CDCP2: variants seen among roughly 807,000 people sequenced by gnomAD.
The protein encoded by CDCP2 is CUB domain containing protein 2.
Under a neutral mutation model 31.0 loss-of-function variants are expected in CDCP2, and 31 were observed. That is an observed-to-expected ratio of 1.00 (90% CI 0.75 to 1.35). CDCP2 has a LOEUF of 1.35. CDCP2 is among the 40% of genes most tolerant of loss of function. The pLI is 0.00. For missense variants in CDCP2, 443 were observed against 482.6 expected (o/e 0.92, Z 0.77); for synonymous variants, 206 against 207.9 (o/e 0.99, Z 0.08).
chr1:54,141,208 C>T (rs753849541), exon 3 of CDCP2: 19 of 1,611,078 alleles, frequency 1.2e-5, no homozygotes, highest in Non-Finnish European at 1.2e-5. Context: ...GGTGCTGCCA[C>T]AGTAGTGGTG....
chr1:54,135,018 C>T (rs757875682), intron 5 of CDCP2, among the ~76,000 whole-genome samples: 12 of 152,124 alleles, frequency 7.9e-5, no homozygotes, highest in Admixed American at 7.2e-4. Context: ...TCCAAAAGGC[C>T]ATGTCCCCAG....
Position 54,139,785 on chromosome 1 carries a change from G to A in CDCP2, c.1085C>T (p.Thr362Ile), listed in dbSNP as rs1659328171. ...GTAGGCCACAGAGAAGCCCCTGCGG[G>A]TGGTGCTGCGGTCTGTGTGCAGCAG... The change falls in exon 4 of 6, where the codon ACC becomes ATC. Residue 362 changes from threonine (T) to isoleucine (I), a missense_variant. Physicochemically the swap from Thr to Ile is moderately conservative, Grantham distance 89. Transcript: ENST00000530059. 1.9e-6 allele frequency: 3 copies of A among 1,614,112 alleles called. No individual in the cohort carries two copies. The highest frequency in any genetic ancestry group is 2.5e-6 in the Non-Finnish European group (3 of 1,180,044).
At chr1:54,145,701 A>C (rs1444695169) in intron 1 of CDCP2, among the ~76,000 whole-genome samples, 3 of 152,240 alleles carry the variant, frequency 2.0e-5, no homozygotes, top group African/African-American at 7.2e-5. Flanking sequence ...TGTGTTTGAC[A>C]AAAGAAAACA....
intron 1 of CDCP2, among the ~76,000 whole-genome samples, chr1:54,147,592 C>G (rs1659497804): frequency 6.6e-6 from 1 of 151,830 alleles, no homozygotes; most frequent in Non-Finnish European, 1.5e-5. Context: ...GTCTCGAACT[C>G]CTGACCTCAG....
chr1:54,138,629 C>T (rs1275382800), intron 4 of CDCP2: 4 of 152,272 alleles, frequency 2.6e-5, no homozygotes, highest in African/African-American at 7.2e-5. Context: ...CTTCATCAAC[C>T]TCTTTTACAG....
chr1:54,136,323 T>C (rs1002463396), intron 5 of CDCP2, among the ~76,000 whole-genome samples: 1 of 152,164 alleles, frequency 6.6e-6, no homozygotes, highest in East Asian at 1.9e-4. Flanking sequence ...GAGTGACCGG[T>C]AGCGTCTTTA....
At chr1:54,152,989 A>G, upstream of CDCP2, 1 of 1,447,384 alleles carries the variant, frequency 6.9e-7, no homozygotes, top group Middle Eastern at 1.7e-4. Context: ...GTCCGGAGCA[A>G]GGGAAAGAGA....
chr1:54,143,237 G>A (rs1768473), intron 2 of CDCP2, among the ~76,000 whole-genome samples: 124,163 of 152,076 alleles, frequency 0.82, 50,803 homozygotes, highest in Middle Eastern at 0.88. Flanking sequence ...CTACTTGGGA[G>A]GCTGAGGCAG....
chr1:54,144,554 G>A (rs1283899808), exon 2 of CDCP2: 40 of 1,613,558 alleles, frequency 2.5e-5, no homozygotes, highest in Non-Finnish European at 3.4e-5. Flanking sequence ...AGGAGGTGAA[G>A]GGCGGCGGGG....
At chr1:54,139,580 T>G (rs533636992) in intron 4 of CDCP2, 173 bp downstream of exon 4, 1 of 1,613,112 alleles carries the variant, frequency 6.2e-7, no homozygotes, top group East Asian at 2.2e-5. Flanking sequence ...TACCGTCCAG[T>G]CTTAGGGGTC....
chr1:54,150,363 G>A (rs1174089703), intron 1 of CDCP2, among the ~76,000 whole-genome samples: 1 of 152,204 alleles, frequency 6.6e-6, no homozygotes, highest in East Asian at 1.9e-4. Flanking sequence ...GGGAGGCCAA[G>A]GTGGGTGGAT....
chr1:54,142,333 G>A (rs2100425556), intron 2 of CDCP2: 1 of 152,384 alleles, frequency 6.6e-6, no homozygotes, highest in African/African-American at 2.4e-5. Flanking sequence ...CTGAAGACAA[G>A]TAGTCTCCCA....
chr1:54,141,621 T>C (rs148606477), intron 2 of CDCP2, 188 bp from the exon 3 acceptor site: 6,497 of 560,248 alleles, frequency 0.012, 44 homozygotes, highest in Non-Finnish European at 0.017. Flanking sequence ...TTGGCACCTA[T>C]GCTGCCTGTT....
At chr1:54,151,760 G>C (rs544637355) in intron 1 of CDCP2, among the ~76,000 whole-genome samples, 1 of 152,146 alleles carries the variant, frequency 6.6e-6, no homozygotes, top group Non-Finnish European at 1.5e-5. Flanking sequence ...ACAATGCTTG[G>C]AAGGCCAGAG....
At chr1:54,136,414 AG>A (rs1331036543) in intron 5 of CDCP2, among the ~76,000 whole-genome samples, 4 of 152,212 alleles carry the variant, frequency 2.6e-5, no homozygotes, top group African/African-American at 9.6e-5. Context: ...TGGGAACCAG[AG>A]GGACACCCTC....
intron 3 of CDCP2, chr1:54,140,457 G>T: frequency 2.7e-6 from 1 of 372,310 alleles, no homozygotes; most frequent in Non-Finnish European, 5.1e-6. Flanking sequence ...TTCATGCCTG[G>T]CCTTTCCCCT....
At chr1:54,138,547 G>C (rs1659299906) in intron 4 of CDCP2, 1 of 152,304 alleles carries the variant, frequency 6.6e-6, no homozygotes, top group Admixed American at 6.5e-5. Flanking sequence ...CTTCCTGAAG[G>C]AAAGCTGTCC....
At chr1:54,140,960 T>C in intron 3 of CDCP2, 138 bp downstream of exon 3, 1 of 681,776 alleles carries the variant, frequency 1.5e-6, no homozygotes, top group Admixed American at 3.5e-5. Context: ...AAGGGTATGC[T>C]AGAGCATTCC....
At chr1:54,147,668 G>A (rs1251025773) in intron 1 of CDCP2, among the ~76,000 whole-genome samples, 1 of 151,664 alleles carries the variant, frequency 6.6e-6, no homozygotes, top group Admixed American at 6.6e-5. Context: ...TGCCCGGCCG[G>A]GAAAACTTAT....
Sources: allele counts gnomAD v4.1 joint callset (sites outside exome capture counted in the v4.1 genomes callset), GRCh38; gene constraint gnomAD v4.1.1; transcripts MANE v1.5; gene names NCBI Gene and HGNC (gene_info 2026-07-23, HGNC 2026-07-21).